The following IPCEF1 variants were observed in gnomAD, a reference collection of about 807,000 sequenced individuals.
IPCEF1 encodes interaction protein for cytohesin exchange factors 1.
IPCEF1 carries 31 observed loss-of-function variants against 50.9 expected under a neutral mutation model. The observed-to-expected ratio is 0.61, with a 90% CI of 0.46 to 0.82. The LOEUF is 0.82. Among genes scored for constraint, IPCEF1 ranks in the 40% least tolerant of loss-of-function variants. The probability of loss-of-function intolerance (pLI) is 0.00; values close to 1 mark genes in which losing one functional copy is unlikely to be tolerated. For missense variants in IPCEF1, 458 were observed against 514.0 expected (o/e 0.89, Z 1.05); for synonymous variants, 181 against 192.0 (o/e 0.94, Z 0.47).
At chr6:154,317,102 A>G (rs920928662) in intron 1 of IPCEF1, among the ~76,000 whole-genome samples, 1 of 152,192 alleles carries the variant, frequency 6.6e-6, no homozygotes, top group African/African-American at 2.4e-5. Context: ...ACATAAAAGA[A>G]AAAAATTCTA....
At chr6:154,200,106 C>A in intron 9 of IPCEF1, 66 bp from the exon 10 acceptor site, 1 of 1,419,026 alleles carries the variant, frequency 7.0e-7, no homozygotes, top group Non-Finnish European at 9.4e-7. Flanking sequence ...CATTCTCTAC[C>A]TTTTATTTTC....
At position 154,262,903 on chromosome 6, in the gene IPCEF1, A is replaced by G. The variant is rs140469298; in HGVS notation, c.36+3009T>C. Among the ~76,000 whole-genome samples the G allele has an allele frequency of 2.3e-3, 350 of 150,224 alleles. 3 individuals are homozygous for G. The highest frequency in any genetic ancestry group is 8.4e-3 in the African/African-American group (342 of 40,768). ...GCAATTCCCCTGCCTCAGCCTCCTC[A>G]GTAGCTGGGACTACAGGTATGCGCC... On this transcript the variant is annotated intron_variant, in intron 3 of 11. Transcript: ENST00000367220.
intron 5 of IPCEF1, among the ~76,000 whole-genome samples, chr6:154,239,198 T>C (rs2128634334): frequency 6.6e-6 from 1 of 152,178 alleles, no homozygotes; most frequent in South Asian, 2.1e-4. Context: ...TAAAGGAAAA[T>C]AATATTGGCA....
chr6:154,354,512 CTACCACTCCAAT>C (rs1320567780), intron 1 of IPCEF1, among the ~76,000 whole-genome samples: 103 of 147,158 alleles, frequency 7.0e-4, no homozygotes, highest in South Asian at 1.7e-3. Flanking sequence ...ACCATCACCT[CTACCACTCCAAT>C]CACCATTTCT....
intron 5 of IPCEF1, among the ~76,000 whole-genome samples, chr6:154,241,128 C>T (rs1186677510): frequency 2.0e-5 from 3 of 150,990 alleles, no homozygotes; most frequent in Non-Finnish European, 4.4e-5. Flanking sequence ...CCCAGCTACT[C>T]AGGAGGCTGA....
At chr6:154,307,906 C>T (rs1254860064) in intron 1 of IPCEF1, among the ~76,000 whole-genome samples, 1 of 152,158 alleles carries the variant, frequency 6.6e-6, no homozygotes, top group Non-Finnish European at 1.5e-5. Flanking sequence ...TCCTCACATC[C>T]ACCCACTGAC....
rs796354438 is a variant in IPCEF1, at chr6:154,227,901, C to CT, written c.247-4659dup. Among the ~76,000 whole-genome samples, 1,133 of 150,876 alleles carry CT rather than the reference C, an allele frequency of 7.5e-3. 12 individuals carry two copies. Among genetic ancestry groups the CT allele is most frequent in the African/African-American group, 0.025 (1,031 of 41,152 alleles). On this transcript the variant is annotated intron_variant, in intron 5 of 11. Coordinates refer to ENST00000367220, the MANE Select transcript of IPCEF1 (RefSeq NM_001130700.2). ...GAAATTATCACTTTATAAGCAGAAG[C>CT]TTTTTTTTTATTCTGAAGACAGTTG...
intron 1 of IPCEF1, among the ~76,000 whole-genome samples, chr6:154,320,222 A>T (rs369907707): frequency 6.6e-6 from 1 of 152,242 alleles, no homozygotes; most frequent in African/African-American, 2.4e-5. Flanking sequence ...GTAGTTCATA[A>T]CTACCAAGGA....
chr6:154,315,215 C>G (rs973429138), intron 1 of IPCEF1, among the ~76,000 whole-genome samples: 3 of 152,162 alleles, frequency 2.0e-5, no homozygotes, highest in Admixed American at 6.5e-5. Context: ...ACATCTGTCT[C>G]TCCATTAGAC....
intron 3 of IPCEF1, among the ~76,000 whole-genome samples, chr6:154,256,931 G>C (rs1781476271): frequency 6.6e-6 from 1 of 152,192 alleles, no homozygotes; most frequent in Non-Finnish European, 1.5e-5. Flanking sequence ...TGTGTTAGAT[G>C]ATTTTGCCCG....
chr6:154,293,734 G>C (rs1044537172), intron 1 of IPCEF1, among the ~76,000 whole-genome samples: 2 of 152,140 alleles, frequency 1.3e-5, no homozygotes, highest in African/African-American at 4.8e-5. Flanking sequence ...CCCCCTAAAA[G>C]AAAACTCTCT....
chr6:154,267,887 T>C, intron 2 of IPCEF1, among the ~76,000 whole-genome samples: 1 of 152,208 alleles, frequency 6.6e-6, no homozygotes, highest in East Asian at 1.9e-4. Flanking sequence ...CAGCTGGTTG[T>C]CAGGATGTCT....
intron 10 of IPCEF1, among the ~76,000 whole-genome samples, chr6:154,174,009 G>T (rs9478512): frequency 0.078 from 11,919 of 152,160 alleles, 624 homozygotes; most frequent in African/African-American, 0.14. Context: ...GAGAGTGGGG[G>T]CCAATATTCA....
intron 1 of IPCEF1, among the ~76,000 whole-genome samples, chr6:154,333,149 A>G (rs1472423355): frequency 6.6e-6 from 1 of 152,140 alleles, no homozygotes; most frequent in Non-Finnish European, 1.5e-5. Context: ...AAACAAGCCA[A>G]TTCATTTAGT....
chr6:154,295,080 C>G (rs908778621), intron 1 of IPCEF1, among the ~76,000 whole-genome samples: 2 of 151,930 alleles, frequency 1.3e-5, no homozygotes, highest in Non-Finnish European at 2.9e-5. Context: ...CCCCTGTGGT[C>G]CCAGCTACTC....
chr6:154,180,342 G>A (rs971902827), intron 10 of IPCEF1, among the ~76,000 whole-genome samples: 7 of 113,276 alleles, frequency 6.2e-5, no homozygotes, highest in African/African-American at 2.0e-4. Context: ...ACTCAAGAAA[G>A]GAGACATATA....
intron 1 of IPCEF1, among the ~76,000 whole-genome samples, chr6:154,320,522 T>C (rs1783346818): frequency 6.6e-6 from 1 of 152,216 alleles, no homozygotes; most frequent in African/African-American, 2.4e-5. Context: ...TAAACCTTAA[T>C]ATTCTTAATT....
intron 10 of IPCEF1, among the ~76,000 whole-genome samples, chr6:154,182,196 C>T (rs1800945702): frequency 6.6e-6 from 1 of 152,172 alleles, no homozygotes; most frequent in African/African-American, 2.4e-5. Flanking sequence ...AGAGTAGCTT[C>T]ATTTTGATTT....
intron 2 of IPCEF1, among the ~76,000 whole-genome samples, chr6:154,275,945 C>T (rs1036888128): frequency 6.6e-6 from 1 of 151,978 alleles, no homozygotes; most frequent in Non-Finnish European, 1.5e-5. Flanking sequence ...TTTGGGAGGC[C>T]GAGGCGGGTG....
Sources: gnomAD v4.1 joint callset for allele counts (sites outside exome capture counted in the v4.1 genomes callset) on GRCh38, gnomAD v4.1.1 for gene constraint, MANE v1.5 for transcripts, NCBI Gene and HGNC (gene_info 2026-07-23, HGNC 2026-07-21) for gene names.